The following ZNF845 variants were observed in gnomAD, a reference collection of about 807,000 sequenced individuals.
ZNF845 encodes zinc finger protein 845.
ZNF845 carries 59 observed loss-of-function variants against 76.1 expected under a neutral mutation model. That is an observed-to-expected ratio of 0.78 (90% CI 0.63 to 0.96). The LOEUF (loss-of-function observed/expected upper bound fraction) is 0.96, where lower values mean the gene tolerates loss of function less well. ZNF845 is among the 40% of genes least tolerant of loss of function. The probability of loss-of-function intolerance (pLI) is 0.00; values close to 1 mark genes in which losing one functional copy is unlikely to be tolerated. For synonymous variants in ZNF845, 361 were observed against 386.9 expected (o/e 0.93, Z 0.78); for missense variants, 1,045 against 1,172.8 (o/e 0.89, Z 1.59).
rs1225234521 is a variant in ZNF845, at chr19:53,350,888, A to G, written c.213A>G (p.Thr71=). 1 of 1,614,212 alleles carries G rather than the reference A, an allele frequency of 6.2e-7. No individual in the cohort carries two copies. The highest frequency in any genetic ancestry group is 1.1e-5 in the South Asian group (1 of 91,078). ...TAQGNTEVIH[T]GTLQRHERHH... is the part of the protein sequence containing the mutation. ...AAGGCAATACAGAAGTGATCCACAC[A>G]GGGACATTGCAAAGACATGAACGTC... Residue 71 remains threonine (T), a synonymous_variant, in exon 4 of 4, where the codon ACA becomes ACG. Coordinates refer to ENST00000458035, the MANE Select transcript of ZNF845 (RefSeq NM_138374.3).
At position 53,340,553 on chromosome 19, in the gene ZNF845, G is replaced by A. The variant is rs187828476; in HGVS notation, c.-73-682G>A. ...CCATGCTCCTGCCCTTCTCAGATGA[G>A]GGTGACCTTGTGCTTCCTAGGATAT... On this transcript the variant is annotated intron_variant, in intron 1 of 3. Coordinates refer to ENST00000458035, the MANE Select transcript of ZNF845 (RefSeq NM_138374.3). 5.6e-3 allele frequency among the ~76,000 whole-genome samples: 853 copies of A among 152,258 alleles called. 2 individuals carry two copies. Among genetic ancestry groups the A allele is most frequent in the Non-Finnish European group, 7.5e-3 (513 of 68,026 alleles).
intron 2 of ZNF845, among the ~76,000 whole-genome samples, chr19:53,343,571 C>T (rs1298255724): frequency 4.6e-5 from 7 of 152,290 alleles, no homozygotes; most frequent in Middle Eastern, 3.4e-3. Context: ...AAACTTGCCA[C>T]TTTTTATATT....
chr19:53,348,883 G>GTCTC (rs2085314854), intron 3 of ZNF845, among the ~76,000 whole-genome samples: 1 of 119,986 alleles, frequency 8.3e-6, no homozygotes, highest in Non-Finnish European at 1.6e-5. Context: ...GTGAGACAGA[G>GTCTC]TCTCACCCTG....
Position 53,350,924 on chromosome 19 carries a change from A to T in ZNF845, c.249A>T (p.Gly83=). The part of the protein sequence containing the change: ...TLQRHERHHI[G]DFCFQEMEKD... ...AAAGACATGAACGTCATCACATTGG[A>T]GATTTTTGCTTCCAGGAAATGGAGA... is the stretch of plus-strand genomic sequence containing the variant. Residue 83 remains glycine, a synonymous_variant, in exon 4 of 4, where the codon GGA becomes GGT. Transcript: ENST00000458035. The T allele has an allele frequency of 6.2e-7, 1 of 1,614,192 alleles. No homozygotes were observed. The highest frequency in any genetic ancestry group is 1.3e-5 in the African/African-American group (1 of 75,066).
chr19:53,341,553 C>T (rs867401962), intron 2 of ZNF845, among the ~76,000 whole-genome samples: 6 of 151,994 alleles, frequency 3.9e-5, no homozygotes, highest in Non-Finnish European at 5.9e-5. Context: ...GGGCTCACAC[C>T]GAGACATGGA....
chr19:53,354,045 C>G lies in ZNF845; in HGVS notation c.*457C>G. 2.1e-6 allele frequency: 1 copy of G among 480,070 alleles called. No individual in the cohort carries two copies. The highest frequency in any genetic ancestry group is 4.0e-6 in the Non-Finnish European group (1 of 251,652). 29.7% of individuals were successfully genotyped at this position (480,070 alleles called of 1,614,324 possible). A position where few individuals can be genotyped will look rare whatever the true frequency, so the allele number is the denominator to read the frequency against. On this transcript the variant is annotated 3_prime_UTR_variant, in exon 4 of 4. Coordinates refer to ENST00000458035, the MANE Select transcript of ZNF845 (RefSeq NM_138374.3). Reference sequence around the variant, plus strand: ...GGCAAGGTCTTCAGTCTAGCTTCATCTTATGCAAAACAGGAGACTTCATAC... The same window carrying G: ...GGCAAGGTCTTCAGTCTAGCTTCATGTTATGCAAAACAGGAGACTTCATAC...
intron 2 of ZNF845, among the ~76,000 whole-genome samples, chr19:53,344,604 A>ATTTATTTTATTTTATTTAT (rs1555822545): frequency 1.4e-4 from 18 of 126,924 alleles, no homozygotes; most frequent in South Asian, 2.7e-4. Flanking sequence ...ATTTTATTTT[A>ATTTATTTTATTTTATTTAT]TTTATTTTAT....
In ZNF845 at chr19:53,354,147, A is replaced by G. The variant is rs559409516; in HGVS notation, c.*559A>G. 4 of 695,840 alleles carry G rather than the reference A, an allele frequency of 5.7e-6. No individual in the cohort carries two copies. The highest frequency in any genetic ancestry group is 4.1e-5 in the South Asian group (3 of 73,268). The allele number at this position is 695,840 out of a possible 1,614,324, so 43.1% of individuals were successfully genotyped here. On this transcript the variant is annotated 3_prime_UTR_variant, in exon 4 of 4. Transcript: ENST00000458035. ...TTCACACCTAATTAGACATCAGAGA[A>G]TCCATACTGGACAGAAATCTTACAA...
At chr19:53,334,719 A>C (rs1252948962) in intron 1 of ZNF845, among the ~76,000 whole-genome samples, 1 of 89,262 alleles carries the variant, frequency 1.1e-5, no homozygotes, top group Non-Finnish European at 2.3e-5. Flanking sequence ...TGGGCAAAAT[A>C]GTGAGACCCC....
intron 2 of ZNF845, among the ~76,000 whole-genome samples, chr19:53,342,339 A>G (rs571956184): frequency 6.6e-6 from 1 of 151,906 alleles, no homozygotes; most frequent in Non-Finnish European, 1.5e-5. Context: ...CTGGTCTCAA[A>G]CTTCTGACCT....
intron 2 of ZNF845, 53 bp downstream of exon 2, chr19:53,341,375 G>C (rs1414485901): frequency 6.2e-7 from 1 of 1,611,368 alleles, no homozygotes; most frequent in East Asian, 2.2e-5. Context: ...CAGAAATCCT[G>C]GGCCTTGGAG....
rs972870515 is a variant in ZNF845 at position 53,352,990 on chromosome 19, A to G, written c.2315A>G (p.Glu772Gly). 4 of 1,614,118 alleles carry G rather than the reference A, an allele frequency of 2.5e-6. No homozygotes were observed. The highest frequency in any genetic ancestry group is 2.7e-5 in the African/African-American group (2 of 75,064). ...AAACACAGGAGAATTCATACTGGAG[A>G]GAAACCATACAAATGTAAGGTTTGT... ...LEKHRRIHTG[E>G]KPYKCKVCDK... is the part of the protein sequence containing the mutation. Residue 772 changes from glutamate (E) to glycine (G), a missense_variant, in exon 4 of 4, where the codon GAG (glutamate) becomes GGG (glycine). Physicochemically the swap from Glu to Gly is moderately conservative, Grantham distance 98. Transcript: ENST00000458035.
intron 3 of ZNF845, among the ~76,000 whole-genome samples, chr19:53,350,142 T>C (rs557336936): frequency 1.2e-3 from 158 of 130,348 alleles, no homozygotes; most frequent in African/African-American, 4.2e-3. Flanking sequence ...GTATTAACTT[T>C]TTAATTTTTT....
intron 1 of ZNF845, among the ~76,000 whole-genome samples, chr19:53,340,250 C>T (rs976343853): frequency 2.6e-5 from 4 of 152,184 alleles, no homozygotes; most frequent in African/African-American, 9.7e-5. Context: ...CAGGGTTTCA[C>T]CATGTTGGCC....
rs1366872449 is a variant in ZNF845, at chr19:53,355,299, G to C, written c.*1711G>C. The C allele has an allele frequency of 3.3e-5, 5 of 151,938 alleles. No individual in the cohort carries two copies. Among genetic ancestry groups the C allele is most frequent in the Non-Finnish European group, 7.4e-5 (5 of 68,004 alleles). The allele number at this position is 151,938 out of a possible 1,614,324, so 9.4% of individuals were successfully genotyped here. On this transcript the variant is annotated 3_prime_UTR_variant, in exon 4 of 4. Transcript: ENST00000458035. ...TGTCTCTCTCTGTCGCCAGGCTAGA[G>C]TGCCGTGGAATGATCTTTGCTCACT... is the stretch of plus-strand genomic sequence containing the variant.
At chr19:53,347,023 A>G (rs1333065820) in intron 3 of ZNF845, among the ~76,000 whole-genome samples, 3 of 151,954 alleles carry the variant, frequency 2.0e-5, no homozygotes, top group African/African-American at 7.3e-5. Context: ...AGCTGGGATT[A>G]CAGGCCTGTG....
chr19:53,352,044 CAT>C lies in ZNF845; in HGVS notation c.1371_1372del (p.His457GlnfsTer13), dbSNP rs767776336. 2 of 1,613,598 alleles carry C rather than the reference CAT, an allele frequency of 1.2e-6. No individual in the cohort carries two copies. Among genetic ancestry groups the C allele is most frequent in the African/African-American group, 2.7e-5 (2 of 74,770 alleles). Reference sequence around the variant, plus strand: ...CAGTTTCAAATCGAACCTTGAAAGACATAGGAGAATTCATACTGGAGAGAAAC... The same window carrying C: ...CAGTTTCAAATCGAACCTTGAAAGACAGGAGAATTCATACTGGAGAGAAAC... ...AFSFKSNLER[H>X]RRIHTGEKPY... On this transcript the variant is annotated frameshift_variant, in exon 4 of 4. Coordinates refer to ENST00000458035, the MANE Select transcript of ZNF845 (RefSeq NM_138374.3). LOFTEE classifies it high-confidence loss of function.
intron 3 of ZNF845, 41 bp from the exon 4 acceptor site, chr19:53,350,777 C>G (rs768285578): frequency 4.4e-6 from 7 of 1,587,452 alleles, no homozygotes; most frequent in Non-Finnish European, 6.0e-6. Context: ...TATTTACCAT[C>G]TATACTTAAG....
chr19:53,347,341 G>A (rs1864118), intron 3 of ZNF845, among the ~76,000 whole-genome samples: 137,184 of 149,388 alleles, frequency 0.92, 63,190 homozygotes, highest in African/African-American at 0.98. Context: ...CAGTGGCGCA[G>A]TCTTGGCTAA....
Sources: allele counts gnomAD v4.1 joint callset (sites outside exome capture counted in the v4.1 genomes callset), GRCh38; gene constraint gnomAD v4.1.1; transcripts MANE v1.5; gene names NCBI Gene and HGNC (gene_info 2026-07-23, HGNC 2026-07-21).